Variants in NAV2 observed in about 807,000 individuals in gnomAD.
NAV2 encodes helicase, APC down-regulated 1.
In NAV2, 54 loss-of-function variants were observed where a neutral mutation model predicts 223.2. The observed-to-expected ratio is 0.24, with a 90% confidence interval of 0.19 to 0.30. The LOEUF (loss-of-function observed/expected upper bound fraction) is 0.30. Among genes scored for constraint, NAV2 ranks in the 10% least tolerant of loss-of-function variants. The probability of loss-of-function intolerance (pLI) is 1.00; values close to 1 mark genes in which losing one functional copy is unlikely to be tolerated. For synonymous variants in NAV2, 1,279 were observed against 1,239.3 expected, an observed-to-expected ratio of 1.03 and a Z score of -0.67; for missense variants, 2,806 against 3,147.5, an observed-to-expected ratio of 0.89 and a Z score of 2.60.
At chr11:19,656,952 C>T (rs1161766443) in intron 1 of NAV2, among the ~76,000 whole-genome samples, 2 of 152,058 alleles carry the variant, frequency 1.3e-5, no homozygotes, top group Non-Finnish European at 2.9e-5. Context: ...AATGCAGGAG[C>T]CATTTACTCA....
At chr11:19,982,239 T>C in intron 10 of NAV2, among the ~76,000 whole-genome samples, 1 of 44,958 alleles carries the variant, frequency 2.2e-5, no homozygotes, top group Middle Eastern at 9.3e-3. Context: ...TTTGGGGTTT[T>C]CTTTTTTGTT....
At chr11:19,367,916 C>T (rs1848342653) in intron 1 of NAV2, among the ~76,000 whole-genome samples, 6 of 152,186 alleles carry the variant, frequency 3.9e-5, no homozygotes, top group Admixed American at 3.9e-4. Flanking sequence ...TTCATTCACT[C>T]ACACATTCAT....
intron 1 of NAV2, among the ~76,000 whole-genome samples, chr11:19,474,675 G>A (rs567582904): frequency 1.3e-5 from 2 of 152,260 alleles, no homozygotes; most frequent in East Asian, 3.9e-4. Context: ...TGGATTATTT[G>A]CACAGTTAAA....
Position 20,077,565 on chromosome 11 carries a change from C to G in NAV2, c.4997C>G (p.Ala1666Gly). The G allele has an allele frequency of 6.2e-7, 1 of 1,613,714 alleles. No individual in the cohort carries two copies. Among genetic ancestry groups the G allele is most frequent in the Non-Finnish European group, 8.5e-7 (1 of 1,179,632 alleles). The change falls in exon 23 of 38, where the codon GCA (alanine) becomes GGA (glycine). Residue 1666 changes from alanine to glycine, a missense_variant. Coordinates refer to ENST00000349880, the MANE Select transcript of NAV2 (RefSeq NM_145117.5). Reference sequence around the variant, plus strand: ...CTTCCCCTCCAGGCTCACCTTGTGGCAGCCTTTGAACAGAGTCTTGGTAAC... The same window carrying G: ...CTTCCCCTCCAGGCTCACCTTGTGGGAGCCTTTGAACAGAGTCTTGGTAAC... ...TQLTANAHLVAAFEQSLGNMT... is the reference protein window; with the variant it reads ...TQLTANAHLVGAFEQSLGNMT...
intron 1 of NAV2, among the ~76,000 whole-genome samples, chr11:19,662,514 C>A (rs1454246577): frequency 6.6e-6 from 1 of 152,248 alleles, no homozygotes; most frequent in South Asian, 2.1e-4. Context: ...TACCTTTCAG[C>A]CTTTCAGAAT....
At chr11:19,712,372 C>G (rs2049929489), upstream of NAV2, 2 of 152,412 alleles carry the variant, frequency 1.3e-5, no homozygotes, top group South Asian at 4.1e-4. Flanking sequence ...CCTGGAAGAG[C>G]AGGCAGAGAA....
At chr11:19,569,241 G>A (rs75026701) in intron 1 of NAV2, among the ~76,000 whole-genome samples, 8,302 of 152,220 alleles carry the variant, frequency 0.055, 310 homozygotes, top group East Asian at 0.18. Context: ...ATTTCTCTTA[G>A]TCTGGAATGT....
At chr11:19,621,006 C>G (rs1018360015) in intron 1 of NAV2, among the ~76,000 whole-genome samples, 1 of 152,178 alleles carries the variant, frequency 6.6e-6, no homozygotes, top group African/African-American at 2.4e-5. Context: ...TTTTCTGCAT[C>G]TATTGAGATA....
chr11:19,944,914 CTT>C (rs2046755909), intron 8 of NAV2, among the ~76,000 whole-genome samples: 1 of 144,006 alleles, frequency 6.9e-6, no homozygotes. Context: ...CTTTCCTTCT[CTT>C]TCTTTCTTTT....
At chr11:19,615,937 C>T (rs2046775457) in intron 1 of NAV2, among the ~76,000 whole-genome samples, 1 of 152,112 alleles carries the variant, frequency 6.6e-6, no homozygotes, top group South Asian at 2.1e-4. Context: ...GTAGCCAGCC[C>T]CTACCCCTAA....
intron 1 of NAV2, among the ~76,000 whole-genome samples, chr11:19,613,345 T>C (rs990306893): frequency 6.6e-6 from 1 of 152,250 alleles, no homozygotes; most frequent in African/African-American, 2.4e-5. Context: ...AAAAATCATG[T>C]TTTTGTCTTG....
At chr11:19,935,819 T>TACATAC (rs2045797728) in intron 7 of NAV2, among the ~76,000 whole-genome samples, 1 of 150,180 alleles carries the variant, frequency 6.7e-6, no homozygotes, top group Non-Finnish European at 1.5e-5. Context: ...TCAGCTGGTC[T>TACATAC]ACATACACGG....
rs188807396 is a variant in NAV2, at chr11:19,532,527, C to T, written c.75+181500C>T. On this transcript the variant is annotated intron_variant, in intron 1 of 37. Transcript: ENST00000360655. ...ATACTACTAGCTGCAGTACTTTGAA[C>T]ATCTACTAGGTGATTTATATTAATA... 1.0e-3 allele frequency among the ~76,000 whole-genome samples: 159 copies of T among 152,292 alleles called. 4 individuals carry two copies. The highest frequency in any genetic ancestry group is 9.9e-3 in the Admixed American group (152 of 15,296).
intron 6 of NAV2, among the ~76,000 whole-genome samples, chr11:19,905,364 A>T (rs562448523): frequency 2.7e-4 from 35 of 130,234 alleles, no homozygotes; most frequent in Non-Finnish European, 3.8e-4. Flanking sequence ...TAACACTTGG[A>T]TAATTCCTTG....
rs147965679 is a variant in NAV2, at chr11:19,772,397, A to C, written c.267+58435A>C. Among the ~76,000 whole-genome samples the C allele has an allele frequency of 4.3e-3, 659 of 152,324 alleles. 5 individuals carry two copies. The highest frequency in any genetic ancestry group is 0.011 in the Admixed American group (174 of 15,310). The stretch of plus-strand genomic sequence containing the variant: ...AGATGAAGAGGATCAATCACTCTCC[A>C]TCTCTGAGCCTTTCTCTGCAAAATA... On this transcript the variant is annotated intron_variant, in intron 1 of 37. Coordinates refer to ENST00000349880, the MANE Select transcript of NAV2 (RefSeq NM_145117.5).
intron 1 of NAV2, among the ~76,000 whole-genome samples, chr11:19,624,934 T>C (rs1343237561): frequency 6.6e-6 from 1 of 152,226 alleles, no homozygotes; most frequent in Non-Finnish European, 1.5e-5. Context: ...ATTTAAAAAT[T>C]TTAATTGACA....
chr11:19,578,248 C>T (rs192760856), intron 1 of NAV2, among the ~76,000 whole-genome samples: 11 of 152,338 alleles, frequency 7.2e-5, no homozygotes, highest in East Asian at 5.8e-4. Flanking sequence ...CATAAATTAA[C>T]GCTGCGCGTG....
intron 1 of NAV2, among the ~76,000 whole-genome samples, chr11:19,485,342 A>G (rs2042407697): frequency 6.6e-6 from 1 of 152,168 alleles, no homozygotes. Flanking sequence ...GAGATATCCA[A>G]CTGGGTTTCA....
At chr11:20,038,520 A>G (rs1027409888) in intron 12 of NAV2, among the ~76,000 whole-genome samples, 1 of 152,182 alleles carries the variant, frequency 6.6e-6, no homozygotes, top group Non-Finnish European at 1.5e-5. Context: ...AAAATATTTG[A>G]ATCAGCATAA....
Sources: gnomAD v4.1 joint callset for allele counts (sites outside exome capture counted in the v4.1 genomes callset) on GRCh38, gnomAD v4.1.1 for gene constraint, MANE v1.5 for transcripts, NCBI Gene and HGNC (gene_info 2026-07-23, HGNC 2026-07-21) for gene names.